The following PCDH9 variants were observed in gnomAD, a reference collection of about 807,000 sequenced individuals.
PCDH9 encodes the protein protocadherin 9.
A neutral mutation model predicts 70.6 loss-of-function variants in PCDH9; 24 were observed. That is an observed-to-expected ratio of 0.34 (90% CI 0.25 to 0.48). The LOEUF (loss-of-function observed/expected upper bound fraction) is 0.48. PCDH9 is among the 20% of genes least tolerant of loss of function. PCDH9 has a pLI of 0.99. For synonymous variants in PCDH9, 562 were observed against 558.5 expected (o/e 1.01, Z -0.09); for missense variants, 1,281 against 1,503.6 (o/e 0.85, Z 2.45).
chr13:66,305,224 T>C (rs886430467), intron 4 of PCDH9, among the ~76,000 whole-genome samples, 196 bp from the exon 5 acceptor site: 2 of 152,082 alleles, frequency 1.3e-5, no homozygotes, highest in African/African-American at 4.8e-5. Context: ...GGAGGTAAGA[T>C]TGATCTATTA....
intron 4 of PCDH9, among the ~76,000 whole-genome samples, chr13:66,321,764 A>G (rs1955760020): frequency 6.6e-6 from 1 of 151,970 alleles, no homozygotes; most frequent in Non-Finnish European, 1.5e-5. Flanking sequence ...CTAATCCCCT[A>G]TAAGAGTTAA....
At chr13:67,151,290 G>T (rs984248091) in intron 2 of PCDH9, among the ~76,000 whole-genome samples, 2 of 152,148 alleles carry the variant, frequency 1.3e-5, no homozygotes, top group African/African-American at 4.8e-5. Context: ...CTGATAAGTA[G>T]GGATGGAATT....
chr13:66,804,904 C>T (rs1464488373), intron 3 of PCDH9, among the ~76,000 whole-genome samples: 1 of 152,002 alleles, frequency 6.6e-6, no homozygotes, highest in Non-Finnish European at 1.5e-5. Context: ...TACGTGAAGA[C>T]AGTCAATACA....
At chr13:66,700,888 TTA>T (rs1593916009) in intron 3 of PCDH9, among the ~76,000 whole-genome samples, 1 of 140,632 alleles carries the variant, frequency 7.1e-6, no homozygotes, top group Admixed American at 7.3e-5. Context: ...AATGTCTATG[TTA>T]TATATATATG....
At chr13:67,027,833 G>A (rs1206250334) in intron 2 of PCDH9, among the ~76,000 whole-genome samples, 1 of 26,634 alleles carries the variant, frequency 3.8e-5, no homozygotes, top group Admixed American at 3.7e-4. Context: ...CACCATCACT[G>A]GCCATCAGAG....
At chr13:67,197,941 AAAGT>A (rs1438886945) in intron 2 of PCDH9, among the ~76,000 whole-genome samples, 6 of 151,808 alleles carry the variant, frequency 4.0e-5, no homozygotes, top group Non-Finnish European at 8.9e-5. Context: ...TAATGCAAAG[AAAGT>A]AACACATGGT....
At chr13:66,800,270 T>A (rs2080305599) in intron 3 of PCDH9, among the ~76,000 whole-genome samples, 1 of 152,090 alleles carries the variant, frequency 6.6e-6, no homozygotes, top group Admixed American at 6.6e-5. Context: ...CTTTCTGAAG[T>A]ACTTTCTCTC....
In PCDH9 at chr13:67,228,650, T is replaced by C. The variant is rs951562679; in HGVS notation, c.-135-75A>G. On this transcript the variant is annotated intron_variant, in intron 1 of 4. Transcript: ENST00000377865. Reference sequence around the variant, plus strand: ...CACCGTCACAAAATATCACCACACATTTTCCCCTGAACATTAGTAAACATG... The same window carrying C: ...CACCGTCACAAAATATCACCACACACTTTCCCCTGAACATTAGTAAACATG... 7.3e-6 allele frequency: 3 copies of C among 412,328 alleles called. No individual in the cohort carries two copies. In the Admixed American group the frequency reaches 1.3e-4, roughly 18 times the overall value. 25.5% of individuals were successfully genotyped at this position (412,328 alleles called of 1,614,324 possible).
At chr13:67,168,385 G>A (rs1250704089) in intron 2 of PCDH9, among the ~76,000 whole-genome samples, 4 of 152,084 alleles carry the variant, frequency 2.6e-5, no homozygotes, top group Non-Finnish European at 5.9e-5. Flanking sequence ...GAGTGAAATA[G>A]TTCTATACTA....
intron 3 of PCDH9, among the ~76,000 whole-genome samples, chr13:66,684,550 AG>A (rs2078373520): frequency 6.6e-6 from 1 of 152,158 alleles, no homozygotes; most frequent in Non-Finnish European, 1.5e-5. Flanking sequence ...TGGTTTTATA[AG>A]GGGCTTTCCC....
intron 2 of PCDH9, among the ~76,000 whole-genome samples, chr13:66,915,513 CA>C (rs1206574603): frequency 6.6e-6 from 1 of 151,616 alleles, no homozygotes; most frequent in Non-Finnish European, 1.5e-5. Context: ...ACCATGAACA[CA>C]ACACTAATTT....
chr13:66,590,741 A>G (rs1241061552), intron 4 of PCDH9, among the ~76,000 whole-genome samples: 1 of 151,836 alleles, frequency 6.6e-6, no homozygotes, highest in Non-Finnish European at 1.5e-5. Flanking sequence ...CACACTCAGA[A>G]ATCCTAAAAC....
At chr13:66,969,009 C>G (rs994483259) in intron 2 of PCDH9, among the ~76,000 whole-genome samples, 1 of 152,010 alleles carries the variant, frequency 6.6e-6, no homozygotes, top group Non-Finnish European at 1.5e-5. Flanking sequence ...TTAGCTGTAA[C>G]ATGTCGAGCA....
rs1476950218 is a variant in PCDH9 at position 66,981,167 on chromosome 13, G to T, written c.3037-77562C>A. On this transcript the variant is annotated intron_variant, in intron 2 of 4. Transcript: ENST00000377865. ...AAATAGTAAAAGGTAGGCCGGTCGC[G>T]GTGGCTCACGCCTGTAATCCCAGCA... 3.9e-5 allele frequency among the ~76,000 whole-genome samples: 6 copies of T among 152,064 alleles called. 1 individual carries two copies. The highest frequency in any genetic ancestry group is 6.3e-3 in the Middle Eastern group (2 of 316).
chr13:66,720,535 T>C (rs1239963985), intron 3 of PCDH9, among the ~76,000 whole-genome samples: 5 of 152,106 alleles, frequency 3.3e-5, no homozygotes, highest in African/African-American at 9.7e-5. Flanking sequence ...TATTTTGATA[T>C]ACAGTACCAG....
At chr13:66,726,533 A>T (rs1321529699) in intron 3 of PCDH9, among the ~76,000 whole-genome samples, 1 of 152,074 alleles carries the variant, frequency 6.6e-6, no homozygotes, top group Admixed American at 6.5e-5. Flanking sequence ...AGTCACTGTG[A>T]CTCTCATGGC....
At chr13:66,555,556 G>A (rs1435931409) in intron 4 of PCDH9, among the ~76,000 whole-genome samples, 4 of 151,726 alleles carry the variant, frequency 2.6e-5, no homozygotes, top group Non-Finnish European at 4.4e-5. Flanking sequence ...TAAATTTGTT[G>A]TACTATTATA....
intron 4 of PCDH9, among the ~76,000 whole-genome samples, chr13:66,464,449 A>G (rs1958481340): frequency 6.6e-6 from 1 of 151,934 alleles, no homozygotes; most frequent in Non-Finnish European, 1.5e-5. Flanking sequence ...TCTTTTGCTT[A>G]GCTCTCCCTG....
chr13:67,058,183 T>A (rs765664824), intron 2 of PCDH9, among the ~76,000 whole-genome samples: 1 of 152,202 alleles, frequency 6.6e-6, no homozygotes, highest in Non-Finnish European at 1.5e-5. Context: ...TATCTCTCAG[T>A]ATGTAAATAA....
Sources: allele counts gnomAD v4.1 joint callset (sites outside exome capture counted in the v4.1 genomes callset), GRCh38; gene constraint gnomAD v4.1.1; transcripts MANE v1.5; gene names NCBI Gene and HGNC (gene_info 2026-07-23, HGNC 2026-07-21).